The following ROBO2 variants were observed in gnomAD, a reference collection of about 807,000 sequenced individuals.
ROBO2 encodes the protein roundabout homolog 2.
In ROBO2, 53 loss-of-function variants were observed where a neutral mutation model predicts 160.8. The observed-to-expected ratio is 0.33, with a 90% confidence interval of 0.26 to 0.41. The LOEUF (loss-of-function observed/expected upper bound fraction) is 0.41, where lower values mean the gene tolerates loss of function less well. Among genes scored for constraint, ROBO2 ranks in the 10% least tolerant of loss-of-function variants. The pLI, the probability that ROBO2 is intolerant of heterozygous loss-of-function variation, is 1.00. For missense variants in ROBO2, 1,577 were observed against 1,722.4 expected (o/e 0.92, Z 1.49); for synonymous variants, 664 against 611.7 (o/e 1.09, Z -1.26).
chr3:76,622,242 GAAAGAAAGAAAGAAAGAAAGAAAGAA>G (rs2089207714), intron 2 of ROBO2, among the ~76,000 whole-genome samples: 1 of 92,168 alleles, frequency 1.1e-5, no homozygotes, highest in African/African-American at 4.6e-5. Flanking sequence ...AAGGAAGAAA[GAAAGAAAGAAAGAAAGAAAGAAAGAA>G]AGAAAGAAAG....
chr3:76,302,409 C>A (rs548472249), intron 2 of ROBO2, among the ~76,000 whole-genome samples: 1 of 151,944 alleles, frequency 6.6e-6, no homozygotes, highest in African/African-American at 2.4e-5. Context: ...GACACCATTC[C>A]TTGGGATACC....
chr3:76,428,969 T>A (rs533946072), intron 2 of ROBO2, among the ~76,000 whole-genome samples: 1 of 152,284 alleles, frequency 6.6e-6, no homozygotes. Flanking sequence ...TTCTCTAACT[T>A]CTCACCTGGA....
chr3:77,322,675 C>G (rs544146148), intron 2 of ROBO2, among the ~76,000 whole-genome samples: 1 of 148,278 alleles, frequency 6.7e-6, no homozygotes, highest in Non-Finnish European at 1.5e-5. Flanking sequence ...TATTTTCATT[C>G]TTGAATATTT....
chr3:76,132,670 T>A (rs2071274160), intron 2 of ROBO2, among the ~76,000 whole-genome samples: 1 of 152,208 alleles, frequency 6.6e-6, no homozygotes, highest in Non-Finnish European at 1.5e-5. Flanking sequence ...GCTTTAGGCC[T>A]TCTTCTAAAA....
At chr3:77,636,582 A>T (rs2095267693) in intron 24 of ROBO2, among the ~76,000 whole-genome samples, 2 of 151,694 alleles carry the variant, frequency 1.3e-5, no homozygotes, top group Non-Finnish European at 2.9e-5. Flanking sequence ...ACAGAGCAAG[A>T]CTCCTTCTTA....
At chr3:76,284,427 C>G (rs563146760) in intron 2 of ROBO2, among the ~76,000 whole-genome samples, 2 of 151,926 alleles carry the variant, frequency 1.3e-5, no homozygotes, top group Non-Finnish European at 1.5e-5. Flanking sequence ...CTGAGATAAA[C>G]TTAATCATCT....
At chr3:77,644,963 A>G (rs1324143437) in intron 25 of ROBO2, 59 bp downstream of exon 27, 3 of 1,501,674 alleles carry the variant, frequency 2.0e-6, no homozygotes, top group African/African-American at 1.4e-5. Flanking sequence ...TGGGTTAATA[A>G]CATTGCCACA....
At chr3:77,357,789 T>G (rs2069344958) in intron 2 of ROBO2, among the ~76,000 whole-genome samples, 1 of 152,142 alleles carries the variant, frequency 6.6e-6, no homozygotes, top group Admixed American at 6.6e-5. Flanking sequence ...TCAGTTGGGT[T>G]ATTAGGAAAT....
chr3:77,350,189 G>A (rs1387348776), intron 2 of ROBO2, among the ~76,000 whole-genome samples: 3 of 151,594 alleles, frequency 2.0e-5, no homozygotes, highest in South Asian at 2.1e-4. Flanking sequence ...CAGGAGGATC[G>A]CTTGAGCCCA....
intron 1 of ROBO2, among the ~76,000 whole-genome samples, chr3:77,054,760 A>T (rs545156570): frequency 6.6e-6 from 1 of 152,272 alleles, no homozygotes; most frequent in African/African-American, 2.4e-5. Flanking sequence ...GAGGTAATGG[A>T]GGCCAATTCC....
At chr3:76,967,319 C>T (rs1428429197) in intron 2 of ROBO2, among the ~76,000 whole-genome samples, 1 of 151,552 alleles carries the variant, frequency 6.6e-6, no homozygotes, top group Non-Finnish European at 1.5e-5. Context: ...GATTTTTCCA[C>T]CCCAGACTTC....
chr3:77,479,505 TA>T (rs1365417339), intron 3 of ROBO2, among the ~76,000 whole-genome samples: 1 of 152,110 alleles, frequency 6.6e-6, no homozygotes, highest in Non-Finnish European at 1.5e-5. Context: ...TCTAATGACT[TA>T]CAATTTCCTT....
rs866882678 is a variant in ROBO2, at chr3:77,252,839, T to A, written c.388+154499T>A. Reference sequence around the variant, plus strand: ...AAAAAAAAAAAAAAAAAAATATATATATATATATATATGAAAAATAAACAG... The same window carrying A: ...AAAAAAAAAAAAAAAAAAATATATAAATATATATATATGAAAAATAAACAG... On this transcript the variant is annotated intron_variant, in intron 2 of 25. Transcript: ENST00000461745. Among the ~76,000 whole-genome samples, 121 of 105,284 alleles carry A rather than the reference T, an allele frequency of 1.1e-3. 2 individuals are homozygous for A. Among genetic ancestry groups the A allele is most frequent in the South Asian group, 3.5e-3 (12 of 3,418 alleles). The allele number at this position is 105,284 out of a possible 152,430, so 69.1% of individuals were successfully genotyped here.
chr3:76,919,397 A>G (rs1011355403), intron 2 of ROBO2, among the ~76,000 whole-genome samples: 6 of 152,230 alleles, frequency 3.9e-5, no homozygotes, highest in Non-Finnish European at 8.8e-5. Context: ...GGGTTAGCAC[A>G]TATAGAGCTG....
At chr3:76,320,916 G>A (rs973916305) in intron 2 of ROBO2, among the ~76,000 whole-genome samples, 5 of 152,226 alleles carry the variant, frequency 3.3e-5, no homozygotes, top group South Asian at 4.1e-4. Context: ...ATGGAACAAC[G>A]TAGATATACT....
At position 76,088,880 on chromosome 3, in the gene ROBO2, C is replaced by T. The variant is rs937528661; in HGVS notation, c.109+151278C>T. ...TAAAAATTAGTGGAGGAATCCATGACACTAAAGACAGATATCAATAGAGAA... is the reference window on the plus strand; with the variant it reads ...TAAAAATTAGTGGAGGAATCCATGATACTAAAGACAGATATCAATAGAGAA... On this transcript the variant is annotated intron_variant, in intron 2 of 26. Coordinates refer to the ROBO2 transcript ENST00000487694. Among the ~76,000 whole-genome samples the T allele has an allele frequency of 8.6e-5, 13 of 151,924 alleles. No homozygotes were observed. In the South Asian group the frequency reaches 1.2e-3, roughly 15 times the overall value.
chr3:77,398,106 T>C (rs974776820), intron 2 of ROBO2, among the ~76,000 whole-genome samples: 3 of 152,290 alleles, frequency 2.0e-5, no homozygotes, highest in East Asian at 3.9e-4. Context: ...AATACACTAA[T>C]ATTCACTACA....
At chr3:77,222,017 T>G (rs2151203942) in intron 2 of ROBO2, among the ~76,000 whole-genome samples, 1 of 151,990 alleles carries the variant, frequency 6.6e-6, no homozygotes, top group East Asian at 2.0e-4. Context: ...TACTCCCAGC[T>G]AATTTTTGCG....
At chr3:77,618,390 A>G (rs528834924) in intron 22 of ROBO2, among the ~76,000 whole-genome samples, 6 of 152,182 alleles carry the variant, frequency 3.9e-5, no homozygotes, top group Non-Finnish European at 8.8e-5. Flanking sequence ...AAACTTTTGT[A>G]AACTACAGGT....
Sources: allele counts gnomAD v4.1 joint callset (sites outside exome capture counted in the v4.1 genomes callset), GRCh38; gene constraint gnomAD v4.1.1; transcripts MANE v1.5; gene names NCBI Gene and HGNC (gene_info 2026-07-23, HGNC 2026-07-21).